LMBR1: variants seen among roughly 807,000 people sequenced by gnomAD.
The protein encoded by LMBR1 is limb development membrane protein 1, also known as limb region 1 protein homolog.
In LMBR1, 52 loss-of-function variants were observed where a neutral mutation model predicts 73.9. The observed-to-expected ratio is 0.70, with a 90% CI of 0.56 to 0.89. The LOEUF (loss-of-function observed/expected upper bound fraction) is 0.89. LMBR1 is among the 40% of genes least tolerant of loss of function. LMBR1 has a pLI of 0.00. For synonymous variants in LMBR1, 215 were observed against 209.4 expected (o/e 1.03, Z -0.23); for missense variants, 539 against 579.8 (o/e 0.93, Z 0.72).
intron 1 of LMBR1, among the ~76,000 whole-genome samples, chr7:156,860,859 C>T (rs1411340773): frequency 6.6e-6 from 1 of 152,270 alleles, no homozygotes; most frequent in Non-Finnish European, 1.5e-5. Context: ...CCAGGTCACA[C>T]TGATGCAAAA....
chr7:156,784,923 C>T (rs1827806598), intron 5 of LMBR1, among the ~76,000 whole-genome samples: 1 of 152,156 alleles, frequency 6.6e-6, no homozygotes, highest in African/African-American at 2.4e-5. Context: ...TTTGCCCATC[C>T]AGGACTCCAC....
At position 156,716,408 on chromosome 7, in the gene LMBR1, G is replaced by A. The variant is rs74958971; in HGVS notation, c.1225+7704C>T. 2.1e-3 allele frequency among the ~76,000 whole-genome samples: 314 copies of A among 152,258 alleles called. 7 individuals are homozygous for A. The highest frequency in any genetic ancestry group is 2.3e-3 in the Non-Finnish European group (154 of 68,024). ...ATCTGGAGGCAAATTAAATTTAGTC[G>A]TCCAGAACTAGAGTATGTGAACTTG... is the stretch of plus-strand genomic sequence containing the variant. On this transcript the variant is annotated intron_variant, in intron 15 of 16. Transcript: ENST00000353442.
chr7:156,805,341 C>T (rs1831837627), intron 4 of LMBR1, among the ~76,000 whole-genome samples: 1 of 151,954 alleles, frequency 6.6e-6, no homozygotes. Flanking sequence ...CTCAGACTCC[C>T]AAGTAGCTGG....
intron 4 of LMBR1, among the ~76,000 whole-genome samples, chr7:156,804,959 T>C (rs1285818713): frequency 2.0e-5 from 3 of 152,200 alleles, no homozygotes; most frequent in Non-Finnish European, 4.4e-5. Context: ...ACAAGTTTCA[T>C]AGTTTTAGGA....
At chr7:156,756,590 AC>A in intron 8 of LMBR1, 125 bp from the exon 9 acceptor site, 1 of 597,334 alleles carries the variant, frequency 1.7e-6, no homozygotes, top group South Asian at 2.0e-5. Flanking sequence ...AGAACACAAA[AC>A]AAAAAAACTC....
At chr7:156,700,802 T>C (rs1201244293) in intron 15 of LMBR1, among the ~76,000 whole-genome samples, 1 of 152,180 alleles carries the variant, frequency 6.6e-6, no homozygotes, top group Non-Finnish European at 1.5e-5. Flanking sequence ...TTTTCAGCAG[T>C]GCCCCATTCT....
chr7:156,768,018 T>C (rs1419913910), intron 5 of LMBR1, among the ~76,000 whole-genome samples: 1 of 152,232 alleles, frequency 6.6e-6, no homozygotes. Context: ...TATATTATTA[T>C]GTTCTATTTC....
At chr7:156,846,816 A>T (rs934474343) in intron 1 of LMBR1, among the ~76,000 whole-genome samples, 2 of 152,178 alleles carry the variant, frequency 1.3e-5, no homozygotes, top group Non-Finnish European at 2.9e-5. Flanking sequence ...AGTTCAAGAC[A>T]GCTAGAAACG....
At chr7:156,708,874 A>G (rs1811525537) in intron 15 of LMBR1, among the ~76,000 whole-genome samples, 1 of 152,104 alleles carries the variant, frequency 6.6e-6, no homozygotes, top group South Asian at 2.1e-4. Flanking sequence ...TGGGAGCTGG[A>G]TGAGGCCTTT....
chr7:156,693,785 T>A (rs1263708638), intron 15 of LMBR1, among the ~76,000 whole-genome samples: 6 of 152,196 alleles, frequency 3.9e-5, no homozygotes, highest in African/African-American at 1.4e-4. Context: ...TCCAAGCTCA[T>A]TTTACAAGGC....
At chr7:156,704,874 G>A (rs1203847917) in intron 15 of LMBR1, among the ~76,000 whole-genome samples, 1 of 151,618 alleles carries the variant, frequency 6.6e-6, no homozygotes. Flanking sequence ...GTGAAAGACA[G>A]GTCTTTTGAA....
intron 5 of LMBR1, among the ~76,000 whole-genome samples, chr7:156,779,192 T>C (rs542691856): frequency 2.0e-5 from 3 of 152,342 alleles, no homozygotes; most frequent in South Asian, 2.1e-4. Flanking sequence ...CAGGATTTCA[T>C]GAACTTCACA....
At chr7:156,751,417 G>A (rs1244785696) in intron 9 of LMBR1, among the ~76,000 whole-genome samples, 3 of 152,170 alleles carry the variant, frequency 2.0e-5, no homozygotes. Flanking sequence ...CAAAGAGACA[G>A]CAGGCATCAG....
At chr7:156,885,918 T>C (rs1199112581) in intron 1 of LMBR1, among the ~76,000 whole-genome samples, 1 of 151,608 alleles carries the variant, frequency 6.6e-6, no homozygotes, top group Non-Finnish European at 1.5e-5. Context: ...GTGGCACCTG[T>C]AATCCCAGCT....
intron 12 of LMBR1, 54 bp downstream of exon 12, chr7:156,727,876 A>G: frequency 8.4e-7 from 1 of 1,187,150 alleles, no homozygotes; most frequent in Admixed American, 1.8e-5. Flanking sequence ...TACTCAGGGT[A>G]TAGACATAGA....
intron 15 of LMBR1, among the ~76,000 whole-genome samples, chr7:156,699,128 C>T (rs1003854837): frequency 4.6e-5 from 7 of 152,144 alleles, no homozygotes; most frequent in Non-Finnish European, 1.0e-4. Flanking sequence ...GGGCAAAATG[C>T]CACCAGTCTC....
chr7:156,865,888 A>G (rs905615669), intron 1 of LMBR1, among the ~76,000 whole-genome samples: 18 of 152,206 alleles, frequency 1.2e-4, no homozygotes, highest in African/African-American at 4.1e-4. Flanking sequence ...TCCATATGCA[A>G]AAGAATGGAG....
intron 1 of LMBR1, among the ~76,000 whole-genome samples, chr7:156,864,529 TTAAA>T (rs1373341934): frequency 6.6e-6 from 1 of 152,196 alleles, no homozygotes; most frequent in Non-Finnish European, 1.5e-5. Context: ...TCAATAAATG[TTAAA>T]TAAGGCAATG....
intron 15 of LMBR1, among the ~76,000 whole-genome samples, chr7:156,701,584 CAGGA>C (rs1238698556): frequency 1.3e-5 from 2 of 152,186 alleles, no homozygotes; most frequent in African/African-American, 4.8e-5. Context: ...TGTGGAGCAA[CAGGA>C]ACTCTCATTC....
Sources: gnomAD v4.1 joint callset for allele counts (sites outside exome capture counted in the v4.1 genomes callset) on GRCh38, gnomAD v4.1.1 for gene constraint, MANE v1.5 for transcripts, NCBI Gene and HGNC (gene_info 2026-07-23, HGNC 2026-07-21) for gene names.